The following DMD variants were observed in gnomAD, a reference collection of about 807,000 sequenced individuals.
The protein encoded by DMD is dystrophin.
DMD carries 63 observed loss-of-function variants against 330.1 expected under a neutral mutation model. The ratio of observed to expected loss-of-function variants is 0.19; its 90% confidence interval spans 0.16 to 0.24. The LOEUF is 0.24. DMD is among the 10% of genes least tolerant of loss of function. DMD has a pLI of 1.00. For missense variants in DMD, 3,344 were observed against 2,684.1 expected (o/e 1.25, Z -5.43); for synonymous variants, 1,223 against 959.8 (o/e 1.27, Z -5.07).
intron 13 of DMD, among the ~76,000 whole-genome samples, chrX:32,574,660 C>CAT (rs1006999483): frequency 4.5e-5 from 5 of 111,172 alleles, no homozygotes; most frequent in African/African-American, 1.3e-4. Context: ...CTTATTTTCT[C>CAT]ATATATATAT....
intron 51 of DMD, among the ~76,000 whole-genome samples, chrX:31,773,445 T>G (rs2090457374): frequency 8.9e-6 from 1 of 111,919 alleles, no homozygotes; most frequent in Admixed American, 9.5e-5. Flanking sequence ...TTAAATATCT[T>G]ATGTTTTGTT....
chrX:32,119,319 T>G (rs1603626247), intron 44 of DMD, among the ~76,000 whole-genome samples: 1 of 81,261 alleles, frequency 1.2e-5, no homozygotes, highest in Admixed American at 1.5e-4. Context: ...GATGACAGAG[T>G]GAGACAGTTA....
intron 48 of DMD, among the ~76,000 whole-genome samples, chrX:31,871,393 CT>C (rs767928657): frequency 1.8e-5 from 2 of 110,706 alleles, no homozygotes; most frequent in African/African-American, 3.3e-5. Context: ...GCCCTTAAAG[CT>C]TTTTTTTATC....
In DMD at chrX:32,573,361, G is replaced by T. The variant is rs72468694; in HGVS notation, c.1812+169C>A. 3.4e-3 allele frequency among the ~76,000 whole-genome samples: 374 copies of T among 111,516 alleles called. 1 individual carries two copies. Among genetic ancestry groups the T allele is most frequent in the African/African-American group, 0.011 (346 of 30,728 alleles). On this transcript the variant is annotated intron_variant, in intron 15 of 78. Coordinates refer to ENST00000357033, the MANE Select transcript of DMD (RefSeq NM_004006.3). ...AAACAAAGTTGAAAATCCACCTATA[G>T]TTTTTTCCCACTTTAATTCAGAAAA...
At chrX:32,255,864 T>C (rs1359347401) in intron 43 of DMD, among the ~76,000 whole-genome samples, 1 of 112,046 alleles carries the variant, frequency 8.9e-6, no homozygotes, top group African/African-American at 3.2e-5. Context: ...TCATGCTTTC[T>C]TCTTTTATTG....
chrX:31,238,617 A>G (rs1292789403), intron 63 of DMD, among the ~76,000 whole-genome samples: 1 of 111,847 alleles, frequency 8.9e-6, no homozygotes, highest in Admixed American at 9.5e-5. Flanking sequence ...GAGGCTCACA[A>G]ATGTTTGGTA....
chrX:32,231,691 C>T (rs896937304), intron 43 of DMD, among the ~76,000 whole-genome samples: 2 of 111,742 alleles, frequency 1.8e-5, no homozygotes, highest in South Asian at 7.4e-4. Context: ...CCATTACCTT[C>T]CACAAGACTG....
At chrX:33,165,196 C>T (rs2048990905) in intron 1 of DMD, among the ~76,000 whole-genome samples, 1 of 111,445 alleles carries the variant, frequency 9.0e-6, no homozygotes, top group South Asian at 3.7e-4. Context: ...AACTGCTGCT[C>T]CTTCCTCCTA....
rs971735666 is a variant in DMD, at chrX:31,119,903, AAAT to A, written c.*2013_*2015del. On this transcript the variant is annotated 3_prime_UTR_variant, in exon 79 of 79. Transcript: ENST00000357033. ...AAGAAAGAATTATAAAGGAAAAAGA[AAAT>A]AACGCAATGGACAAGTGGTGAAGCT... 8.9e-6 allele frequency: 1 copy of A among 112,209 alleles called. No individual in the cohort carries two copies. The highest frequency in any genetic ancestry group is 1.9e-5 in the Non-Finnish European group (1 of 53,193). 9.2% of individuals were successfully genotyped at this position (112,209 alleles called of 1,213,427 possible).
intron 2 of DMD, among the ~76,000 whole-genome samples, chrX:32,975,325 CT>C (rs5902045): frequency 1.3e-4 from 4 of 31,722 alleles, no homozygotes; most frequent in African/African-American, 2.1e-4. Flanking sequence ...CCACATTTTG[CT>C]TTTTAAACTT....
chrX:32,991,361 G>T (rs775185549), intron 2 of DMD, among the ~76,000 whole-genome samples: 7 of 111,428 alleles, frequency 6.3e-5, no homozygotes, highest in Non-Finnish European at 1.1e-4. Flanking sequence ...AGCTTTTAAA[G>T]GCTAAAGTTT....
At chrX:32,337,341 G>A (rs895495941) in intron 41 of DMD, among the ~76,000 whole-genome samples, 1 of 108,484 alleles carries the variant, frequency 9.2e-6, no homozygotes, top group Non-Finnish European at 1.9e-5. Flanking sequence ...TTTTTCACTT[G>A]GCTATTGTAT....
At chrX:32,337,960 A>C (rs2097723512) in intron 41 of DMD, among the ~76,000 whole-genome samples, 1 of 111,652 alleles carries the variant, frequency 9.0e-6, no homozygotes, top group Admixed American at 9.6e-5. Context: ...TTACACAAAT[A>C]TATTGCTTAG....
chrX:32,130,292 G>A (rs1202874869), intron 44 of DMD, among the ~76,000 whole-genome samples: 2 of 111,338 alleles, frequency 1.8e-5, no homozygotes, highest in Admixed American at 1.9e-4. Flanking sequence ...AAGTTTGAGT[G>A]TTACACACAA....
Position 31,149,279 on chromosome X carries a change from T to A in DMD, c.10554-1761A>T, listed in dbSNP as rs776925308. Among the ~76,000 whole-genome samples the A allele has an allele frequency of 2.7e-5, 3 of 112,295 alleles. No individual in the cohort carries two copies. In the South Asian group the frequency reaches 1.1e-3, roughly 42 times the overall value. ...GCAAAACATCAAGTGTCCATAAATA[T>A]ACAGGTGTGCTTCTGAGCTCTGTAT... is the stretch of plus-strand genomic sequence containing the variant. On this transcript the variant is annotated intron_variant, in intron 74 of 78. Transcript: ENST00000357033.
chrX:31,393,473 T>A (rs1257351832), intron 60 of DMD, among the ~76,000 whole-genome samples: 1 of 81,029 alleles, frequency 1.2e-5, no homozygotes, highest in South Asian at 7.6e-4. Flanking sequence ...TGAGACTCCA[T>A]CTCAAAAAAA....
chrX:33,158,705 C>T lies in DMD; in HGVS notation c.31+52577G>A, dbSNP rs141089420. Among the ~76,000 whole-genome samples, 464 of 111,626 alleles carry T rather than the reference C, an allele frequency of 4.2e-3. 3 individuals are homozygous for T. Among genetic ancestry groups the T allele is most frequent in the African/African-American group, 0.014 (441 of 30,745 alleles). On this transcript the variant is annotated intron_variant, in intron 1 of 78. Transcript: ENST00000357033. ...CCTGTTGGTGACCAAAGCAGCATAA[C>T]CTAGCATCTGTTGCTCAGATATCAT...
chrX:31,237,456 T>C (rs1489878792), intron 63 of DMD, among the ~76,000 whole-genome samples: 2 of 112,599 alleles, frequency 1.8e-5, no homozygotes, highest in Non-Finnish European at 3.8e-5. Context: ...TTCTGGAGAC[T>C]AGATGCTAAT....
At chrX:32,596,846 C>A (rs1269910274) in intron 12 of DMD, among the ~76,000 whole-genome samples, 1 of 111,415 alleles carries the variant, frequency 9.0e-6, no homozygotes, top group Admixed American at 9.6e-5. Flanking sequence ...TGTGCCTGGC[C>A]TATACACTAC....
Sources: gnomAD v4.1 joint callset for allele counts (sites outside exome capture counted in the v4.1 genomes callset) on GRCh38, gnomAD v4.1.1 for gene constraint, MANE v1.5 for transcripts, NCBI Gene and HGNC (gene_info 2026-07-23, HGNC 2026-07-21) for gene names.